HS3ST3A1: variants seen among roughly 807,000 people sequenced by gnomAD.
The protein encoded by HS3ST3A1 is heparan sulfate-glucosamine 3-sulfotransferase 3A1.
HS3ST3A1 carries 19 observed loss-of-function variants against 25.7 expected under a neutral mutation model. The ratio of observed to expected loss-of-function variants is 0.74; its 90% CI spans 0.52 to 1.08. The LOEUF (loss-of-function observed/expected upper bound fraction) is 1.08. Among genes scored for constraint, HS3ST3A1 ranks in the 50% least tolerant of loss-of-function variants. The pLI is 0.00. For missense variants in HS3ST3A1, 459 were observed against 594.3 expected (o/e 0.77, Z 2.37); for synonymous variants, 226 against 278.6 (o/e 0.81, Z 1.88).
chr17:13,513,440 A>T (rs1206851570), intron 1 of HS3ST3A1, among the ~76,000 whole-genome samples: 1 of 152,250 alleles, frequency 6.6e-6, no homozygotes, highest in Non-Finnish European at 1.5e-5. Flanking sequence ...AAAAAGGTTC[A>T]TTACAGAAAA....
chr17:13,522,970 T>G (rs1386908167), intron 1 of HS3ST3A1, among the ~76,000 whole-genome samples: 1 of 151,830 alleles, frequency 6.6e-6, no homozygotes, highest in Non-Finnish European at 1.5e-5. Context: ...TCCAGAGTGG[T>G]AAAGCTAAAA....
intron 1 of HS3ST3A1, among the ~76,000 whole-genome samples, chr17:13,553,039 T>C (rs752108936): frequency 2.6e-5 from 4 of 152,176 alleles, no homozygotes; most frequent in Non-Finnish European, 5.9e-5. Context: ...TCTAGGACCA[T>C]GTTAGTTAAA....
chr17:13,537,802 G>T (rs1906814736), intron 1 of HS3ST3A1, among the ~76,000 whole-genome samples: 1 of 152,214 alleles, frequency 6.6e-6, no homozygotes, highest in Non-Finnish European at 1.5e-5. Context: ...TGGAGGGCAG[G>T]TGGTGGCACT....
intron 1 of HS3ST3A1, among the ~76,000 whole-genome samples, chr17:13,500,878 T>C (rs557094997): frequency 6.6e-6 from 1 of 152,304 alleles, no homozygotes; most frequent in African/African-American, 2.4e-5. Context: ...AACACAAGTG[T>C]GTATTGACAG....
chr17:13,546,874 G>A (rs575152168), intron 1 of HS3ST3A1, among the ~76,000 whole-genome samples: 6 of 152,172 alleles, frequency 3.9e-5, no homozygotes, highest in South Asian at 2.1e-4. Context: ...GACAAGTGTA[G>A]GGAGAGCTGA....
chr17:13,587,916 C>T (rs1296065917), intron 1 of HS3ST3A1, among the ~76,000 whole-genome samples: 2 of 152,312 alleles, frequency 1.3e-5, no homozygotes, highest in Middle Eastern at 3.4e-3. Context: ...TCCCACACAG[C>T]CACAGGGAGC....
intron 1 of HS3ST3A1, among the ~76,000 whole-genome samples, chr17:13,504,781 T>G (rs1860068): frequency 0.17 from 25,076 of 151,476 alleles, 2,550 homozygotes; most frequent in East Asian, 0.28. Flanking sequence ...GGTAAAGGAG[T>G]GGAGCTCATA....
Position 13,600,778 on chromosome 17 carries a change from G to C in HS3ST3A1, c.352C>G (p.Pro118Ala). The C allele has an allele frequency of 6.8e-7, 1 of 1,474,794 alleles. No homozygotes were observed. The highest frequency in any genetic ancestry group is 8.9e-7 in the Non-Finnish European group (1 of 1,123,588). 91.4% of individuals were successfully genotyped at this position (1,474,794 alleles called of 1,614,324 possible). Residue 118 changes from proline to alanine, a missense_variant, in exon 1 of 2, where the codon CCT (proline) becomes GCT (alanine). Transcript: ENST00000284110. Reference protein sequence around the residue: ...GEEAAWEEESPGLSGGPGGSG... With the variant: ...GEEAAWEEESAGLSGGPGGSG... ...CCGCCCGGACCCCCTGACAGGCCAG[G>C]GGACTCTTCTTCCCAGGCCGCCTCC... is the stretch of plus-strand genomic sequence containing the variant.
rs139175276 is a variant in HS3ST3A1, at chr17:13,505,602, G to A, written c.600-8784C>T. 3.4e-3 allele frequency among the ~76,000 whole-genome samples: 520 copies of A among 151,904 alleles called. 2 individuals are homozygous for A. The highest frequency in any genetic ancestry group is 0.017 in the Middle Eastern group (5 of 292). On this transcript the variant is annotated intron_variant, in intron 1 of 1. Transcript: ENST00000284110. ...AAGGAATATTTAGAGTATAATCGGTGAGGCTAGATAGCTGATTTATGACTG... is the reference window on the plus strand; with the variant it reads ...AAGGAATATTTAGAGTATAATCGGTAAGGCTAGATAGCTGATTTATGACTG...
intron 1 of HS3ST3A1, among the ~76,000 whole-genome samples, chr17:13,556,838 CG>C (rs767636872): frequency 1.4e-4 from 19 of 131,044 alleles, no homozygotes; most frequent in Non-Finnish European, 2.5e-4. Flanking sequence ...GGCGAAAGAG[CG>C]AAACTCCGCC....
intron 1 of HS3ST3A1, among the ~76,000 whole-genome samples, chr17:13,512,057 T>C (rs1196720807): frequency 1.3e-5 from 2 of 152,164 alleles, no homozygotes; most frequent in Admixed American, 1.3e-4. Context: ...CAACACCAGC[T>C]AGTTTTTTAA....
At chr17:13,583,191 A>T in intron 1 of HS3ST3A1, among the ~76,000 whole-genome samples, 1 of 152,100 alleles carries the variant, frequency 6.6e-6, no homozygotes, top group East Asian at 1.9e-4. Context: ...ATCTGACTCG[A>T]CCACTAAGAA....
chr17:13,570,757 A>C (rs1410646875), intron 1 of HS3ST3A1, among the ~76,000 whole-genome samples: 1 of 152,256 alleles, frequency 6.6e-6, no homozygotes, highest in East Asian at 1.9e-4. Context: ...GGGGTGAGCC[A>C]CTGTGTCCAG....
chr17:13,547,622 AT>A (rs1319367520), intron 1 of HS3ST3A1, among the ~76,000 whole-genome samples: 1 of 152,178 alleles, frequency 6.6e-6, no homozygotes, highest in African/African-American at 2.4e-5. Flanking sequence ...CATCTTTTCC[AT>A]TTGGCTGTTC....
At chr17:13,577,139 CA>C (rs1907965574) in intron 1 of HS3ST3A1, among the ~76,000 whole-genome samples, 1 of 152,302 alleles carries the variant, frequency 6.6e-6, no homozygotes, top group Middle Eastern at 3.4e-3. Context: ...AAGAACAGCA[CA>C]GGAAGGATCC....
Position 13,561,538 on chromosome 17 carries a change from C to T in HS3ST3A1, c.599+38993G>A, listed in dbSNP as rs138921598. 4.2e-3 allele frequency among the ~76,000 whole-genome samples: 633 copies of T among 152,238 alleles called. 2 individuals are homozygous for T. Among genetic ancestry groups the T allele is most frequent in the African/African-American group, 0.015 (604 of 41,534 alleles). The stretch of plus-strand genomic sequence containing the variant: ...AGGAGCTGGGATTTGGGATTACAGG[C>T]ACCTATTACCATGCCCTGCTAATTT... On this transcript the variant is annotated intron_variant, in intron 1 of 1. Transcript: ENST00000284110.
rs66568347 is a variant in HS3ST3A1 at position 13,579,943 on chromosome 17, TAAAA to T, written c.599+20584_599+20587del. On this transcript the variant is annotated intron_variant, in intron 1 of 1. Transcript: ENST00000284110. Reference sequence around the variant, plus strand: ...GCCTGGGTGACAGAGTGACTCTGTCTAAAAAAAAAAAAAAAAAAAAAAAGAAAAA... The same window carrying T: ...GCCTGGGTGACAGAGTGACTCTGTCTAAAAAAAAAAAAAAAAAAAGAAAAA... Among the ~76,000 whole-genome samples the T allele has an allele frequency of 9.0e-4, 74 of 81,946 alleles. No homozygotes were observed. In the East Asian group the frequency reaches 0.019, roughly 21 times the overall value. 53.8% of individuals were successfully genotyped at this position (81,946 alleles called of 152,430 possible). A position where few individuals can be genotyped will look rare whatever the true frequency, so the allele number is the denominator to read the frequency against.
In HS3ST3A1 at chr17:13,524,361, G is replaced by A. The variant is rs376913537; in HGVS notation, c.600-27543C>T. 4.1e-4 allele frequency among the ~76,000 whole-genome samples: 62 copies of A among 152,124 alleles called. 1 individual carries two copies. The highest frequency in any genetic ancestry group is 1.2e-3 in the Admixed American group (18 of 15,258). Reference sequence around the variant, plus strand: ...CAGCCTCAAGCTCCAGGGCTCAAGCGATCCTCCTGAGTCAGCCTCCTGAGT... The same window carrying A: ...CAGCCTCAAGCTCCAGGGCTCAAGCAATCCTCCTGAGTCAGCCTCCTGAGT... On this transcript the variant is annotated intron_variant, in intron 1 of 1. Transcript: ENST00000284110.
Position 13,541,563 on chromosome 17 carries a change from A to G in HS3ST3A1, c.600-44745T>C, listed in dbSNP as rs573393824. On this transcript the variant is annotated intron_variant, in intron 1 of 1. Coordinates refer to ENST00000284110, the MANE Select transcript of HS3ST3A1 (RefSeq NM_006042.3). ...GAGCCCTAAGTCCAGTTTCTCTGAG[A>G]TTTGAGAGGGTGGTTATTCCAATTT... Among the ~76,000 whole-genome samples the G allele has an allele frequency of 1.8e-4, 27 of 152,286 alleles. No individual in the cohort carries two copies. The South Asian group carries it at 5.6e-3, about 32-fold the overall frequency.
Sources: allele counts gnomAD v4.1 joint callset (sites outside exome capture counted in the v4.1 genomes callset), GRCh38; gene constraint gnomAD v4.1.1; transcripts MANE v1.5; gene names NCBI Gene and HGNC (gene_info 2026-07-23, HGNC 2026-07-21).